PPP3CA: variants seen among roughly 807,000 people sequenced by gnomAD.
PPP3CA encodes the protein protein phosphatase 3 catalytic subunit alpha.
Under a neutral mutation model 66.5 loss-of-function variants are expected in PPP3CA, and 14 were observed. The observed-to-expected ratio is 0.21, with a 90% CI of 0.14 to 0.33. The LOEUF is 0.33. Ranked by LOEUF, PPP3CA falls within the 10% of genes least tolerant of loss-of-function variation. PPP3CA has a pLI of 1.00. For missense variants in PPP3CA, 317 were observed against 639.5 expected, an observed-to-expected ratio of 0.50 and a Z score of 5.44; for synonymous variants, 232 against 226.2, an observed-to-expected ratio of 1.03 and a Z score of -0.23.
chr4:101,221,347 T>G (rs1301593195), intron 1 of PPP3CA, among the ~76,000 whole-genome samples: 2 of 151,652 alleles, frequency 1.3e-5, no homozygotes, highest in Admixed American at 6.6e-5. Context: ...TCTATCCCTA[T>G]GAATTGCTTA....
At chr4:101,106,388 A>AGAAG (rs1730683809) in intron 3 of PPP3CA, among the ~76,000 whole-genome samples, 3 of 5,416 alleles carry the variant, frequency 5.5e-4, no homozygotes, top group African/African-American at 1.1e-3. Context: ...AAAGAAAGAA[A>AGAAG]GAAAGAAAGA....
At chr4:101,077,553 C>T (rs1238672373) in intron 8 of PPP3CA, among the ~76,000 whole-genome samples, 1 of 152,142 alleles carries the variant, frequency 6.6e-6, no homozygotes, top group Non-Finnish European at 1.5e-5. Flanking sequence ...ACTCCCACTC[C>T]CACATACTGT....
intron 11 of PPP3CA, among the ~76,000 whole-genome samples, chr4:101,037,863 T>G (rs527549927): frequency 5.3e-5 from 8 of 152,322 alleles, no homozygotes; most frequent in African/African-American, 1.9e-4. Context: ...TCATGTCTTT[T>G]GCTAGTCAGT....
At chr4:101,312,215 G>A (rs767365056) in intron 1 of PPP3CA, among the ~76,000 whole-genome samples, 1 of 151,952 alleles carries the variant, frequency 6.6e-6, no homozygotes, top group Non-Finnish European at 1.5e-5. Flanking sequence ...TGCATACATT[G>A]CAATTATATA....
In PPP3CA at chr4:101,347,399, G is replaced by GGTGCCGCGGCCGCCGGAGAC. The variant is rs1730054098; in HGVS notation, c.-623_-604dup. On this transcript the variant is annotated 5_prime_UTR_variant, in exon 1 of 14. Coordinates refer to ENST00000394854, the MANE Select transcript of PPP3CA (RefSeq NM_000944.5). The stretch of plus-strand genomic sequence containing the variant: ...CTTCTCCACACAGAGCGCCGCCGCT[G>GGTGCCGCGGCCGCCGGAGAC]GTGCCGCGGCCGCCGGAGACGTCCC... The GGTGCCGCGGCCGCCGGAGAC allele has an allele frequency of 6.0e-6, 1 of 166,794 alleles. No individual in the cohort carries two copies. The highest frequency in any genetic ancestry group is 1.3e-5 in the Non-Finnish European group (1 of 78,504). The allele number at this position is 166,794 out of a possible 1,614,324, so 10.3% of individuals were successfully genotyped here.
intron 1 of PPP3CA, among the ~76,000 whole-genome samples, chr4:101,256,514 A>G (rs971456181): frequency 4.6e-5 from 7 of 152,010 alleles, no homozygotes; most frequent in African/African-American, 1.7e-4. Flanking sequence ...CCAAAGGCAA[A>G]TATTTGGCTA....
At chr4:101,245,196 G>C (rs1271249541) in intron 1 of PPP3CA, among the ~76,000 whole-genome samples, 1 of 152,010 alleles carries the variant, frequency 6.6e-6, no homozygotes, top group African/African-American at 2.4e-5. Flanking sequence ...TTCCAACATG[G>C]AACTGCTGGA....
At position 101,261,066 on chromosome 4, in the gene PPP3CA, G is replaced by A. The variant is rs562902091; in HGVS notation, c.59-64950C>T. Among the ~76,000 whole-genome samples, 6 of 152,228 alleles carry A rather than the reference G, an allele frequency of 3.9e-5. No homozygotes were observed. In the South Asian group the frequency reaches 1.2e-3, roughly 32 times the overall value. ...CAAGGTAACATCATCACTAACTTCT[G>A]TTGAGCATTTACTATATAGCAGTCT... is the stretch of plus-strand genomic sequence containing the variant. On this transcript the variant is annotated intron_variant, in intron 1 of 13. Coordinates refer to ENST00000394854, the MANE Select transcript of PPP3CA (RefSeq NM_000944.5).
chr4:101,311,386 A>G (rs536850683), intron 1 of PPP3CA, among the ~76,000 whole-genome samples: 1 of 152,310 alleles, frequency 6.6e-6, no homozygotes, highest in Admixed American at 6.5e-5. Flanking sequence ...AAAATCATGA[A>G]AACTGAATAA....
In PPP3CA at chr4:101,186,871, G is replaced by A. The variant is rs1290099628; in HGVS notation, c.259+9045C>T. Among the ~76,000 whole-genome samples, 3 of 152,106 alleles carry A rather than the reference G, an allele frequency of 2.0e-5. No homozygotes were observed. In the East Asian group the frequency reaches 5.8e-4, roughly 29 times the overall value. On this transcript the variant is annotated intron_variant, in intron 2 of 13. Coordinates refer to ENST00000394854, the MANE Select transcript of PPP3CA (RefSeq NM_000944.5). ...CCATACACTAGAATCAACAGTTGAT[G>A]TAACAGATACATAACAACAATACCG...
chr4:101,255,641 T>C (rs1472896640), intron 1 of PPP3CA, among the ~76,000 whole-genome samples: 1 of 151,918 alleles, frequency 6.6e-6, no homozygotes, highest in African/African-American at 2.4e-5. Context: ...AAGTAAATTC[T>C]GCAACTATAA....
chr4:101,058,014 G>A (rs1728300459), intron 10 of PPP3CA, among the ~76,000 whole-genome samples: 2 of 152,018 alleles, frequency 1.3e-5, no homozygotes, highest in African/African-American at 4.8e-5. Context: ...TCTTTAGTTT[G>A]ACTAAGGGAA....
intron 2 of PPP3CA, among the ~76,000 whole-genome samples, chr4:101,129,939 A>G (rs1278798795): frequency 6.6e-6 from 1 of 152,128 alleles, no homozygotes; most frequent in African/African-American, 2.4e-5. Flanking sequence ...GATGCATAAT[A>G]ACAAACTCCT....
rs184235016 is a variant in PPP3CA, at chr4:101,182,839, G to A, written c.259+13077C>T. Among the ~76,000 whole-genome samples the A allele has an allele frequency of 3.9e-3, 586 of 152,160 alleles. 5 individuals carry two copies. The highest frequency in any genetic ancestry group is 0.013 in the African/African-American group (555 of 41,538). On this transcript the variant is annotated intron_variant, in intron 2 of 13. Coordinates refer to ENST00000394854, the MANE Select transcript of PPP3CA (RefSeq NM_000944.5). ...CTCATGATAATGAGTTAAGTCTCAC[G>A]AGATCTGATGGTTTTAAAAATGGGA...
intron 8 of PPP3CA, among the ~76,000 whole-genome samples, chr4:101,072,065 A>G (rs1424422031): frequency 6.6e-6 from 1 of 152,226 alleles, no homozygotes; most frequent in African/African-American, 2.4e-5. Flanking sequence ...TCCAGCAATG[A>G]CACTTTCACA....
chr4:101,343,740 C>T (rs1560728812), intron 1 of PPP3CA, among the ~76,000 whole-genome samples: 2 of 152,018 alleles, frequency 1.3e-5, no homozygotes, highest in Non-Finnish European at 2.9e-5. Context: ...TTTAGAAAAC[C>T]GATCAGGGTC....
chr4:101,235,427 A>C (rs1726095594), intron 1 of PPP3CA, among the ~76,000 whole-genome samples: 1 of 101,700 alleles, frequency 9.8e-6, no homozygotes, highest in Admixed American at 8.7e-5. Flanking sequence ...ACCTAAACAT[A>C]CACTCACACA....
rs79396148 is a variant in PPP3CA at position 101,157,591 on chromosome 4, A to G, written c.259+38325T>C. Among the ~76,000 whole-genome samples, 204 of 152,256 alleles carry G rather than the reference A, an allele frequency of 1.3e-3. 1 individual carries two copies. The highest frequency in any genetic ancestry group is 7.8e-3 in the Admixed American group (120 of 15,300). ...GGTAACCTAGTACAAGGAAAATGAG[A>G]CTGGTGTCTGTGTGCGCTGAATCAA... On this transcript the variant is annotated intron_variant, in intron 2 of 13. Coordinates refer to ENST00000394854, the MANE Select transcript of PPP3CA (RefSeq NM_000944.5).
chr4:101,219,818 T>C (rs746847602), intron 1 of PPP3CA, among the ~76,000 whole-genome samples: 4 of 151,804 alleles, frequency 2.6e-5, no homozygotes, highest in Non-Finnish European at 4.4e-5. Context: ...CAAAATGAAA[T>C]GAGGGAATTC....
Sources: allele counts gnomAD v4.1 joint callset (sites outside exome capture counted in the v4.1 genomes callset), GRCh38; gene constraint gnomAD v4.1.1; transcripts MANE v1.5; gene names NCBI Gene and HGNC (gene_info 2026-07-23, HGNC 2026-07-21).